The following PRKCA variants were observed in gnomAD, a reference collection of about 807,000 sequenced individuals.
The protein encoded by PRKCA is protein kinase C alpha type.
PRKCA carries 27 observed loss-of-function variants against 87.0 expected under a neutral mutation model. The observed-to-expected ratio is 0.31, with a 90% confidence interval of 0.23 to 0.43. PRKCA has a LOEUF of 0.43. PRKCA is among the 20% of genes least tolerant of loss of function. PRKCA has a pLI of 1.00. For missense variants in PRKCA, 518 were observed against 852.3 expected (o/e 0.61, Z 4.88); for synonymous variants, 329 against 311.1 (o/e 1.06, Z -0.61).
At chr17:66,695,375 C>T (rs1382133358) in intron 8 of PRKCA, among the ~76,000 whole-genome samples, 2 of 152,204 alleles carry the variant, frequency 1.3e-5, no homozygotes, top group Non-Finnish European at 2.9e-5. Flanking sequence ...ACAATGACTA[C>T]TTTTAATTTG....
At chr17:66,797,295 C>G (rs868659299) in intron 16 of PRKCA, among the ~76,000 whole-genome samples, 1 of 152,194 alleles carries the variant, frequency 6.6e-6, no homozygotes, top group South Asian at 2.1e-4. Flanking sequence ...ACCCAGAGTC[C>G]GTGTCATTCA....
At chr17:66,409,907 G>A (rs867044819) in intron 2 of PRKCA, among the ~76,000 whole-genome samples, 1 of 152,214 alleles carries the variant, frequency 6.6e-6, no homozygotes, top group Middle Eastern at 3.2e-3. Context: ...GACAGAGTGA[G>A]ACTCCGTCTC....
intron 2 of PRKCA, among the ~76,000 whole-genome samples, chr17:66,452,135 A>G (rs563972042): frequency 3.3e-5 from 5 of 152,170 alleles, no homozygotes; most frequent in African/African-American, 9.6e-5. Flanking sequence ...ACATCAGGTG[A>G]CCCTCCAATT....
At chr17:66,462,193 G>C (rs1057290777) in intron 2 of PRKCA, among the ~76,000 whole-genome samples, 1 of 152,124 alleles carries the variant, frequency 6.6e-6, no homozygotes, top group Non-Finnish European at 1.5e-5. Context: ...TCTGAGATCA[G>C]TGCACAAGGC....
intron 2 of PRKCA, among the ~76,000 whole-genome samples, chr17:66,343,056 C>T (rs1264926794): frequency 1.3e-5 from 2 of 151,554 alleles, no homozygotes; most frequent in African/African-American, 4.9e-5. Flanking sequence ...CATAATATGC[C>T]AAGATGTTTA....
chr17:66,406,584 G>GTTTTTTTTTTTTTTT (rs1242757426), intron 2 of PRKCA, among the ~76,000 whole-genome samples: 4 of 21,292 alleles, frequency 1.9e-4, no homozygotes, highest in Non-Finnish European at 4.8e-4. Flanking sequence ...AGCTTTTCCA[G>GTTTTTTTTTTTTTTT]GTTTTTTTTT....
rs187648597 is a variant in PRKCA at position 66,675,050 on chromosome 17, G to A, written c.530-12061G>A. On this transcript the variant is annotated intron_variant, in intron 5 of 16. Transcript: ENST00000413366. ...CAGCAAGCACTTGCTCTCTGTTGCC[G>A]GGACTTCTCCCAGCTCCAAAACTGC... is the stretch of plus-strand genomic sequence containing the variant. 2.1e-3 allele frequency among the ~76,000 whole-genome samples: 314 copies of A among 152,282 alleles called. 1 individual carries two copies. Among genetic ancestry groups the A allele is most frequent in the Non-Finnish European group, 3.7e-3 (249 of 68,026 alleles).
chr17:66,648,082 T>G (rs1008743243), intron 5 of PRKCA, among the ~76,000 whole-genome samples: 4 of 152,190 alleles, frequency 2.6e-5, no homozygotes, highest in Admixed American at 6.5e-5. Context: ...TGGTGAAGGC[T>G]CCGTCTCTGC....
intron 3 of PRKCA, among the ~76,000 whole-genome samples, chr17:66,535,911 C>T (rs371545661): frequency 2.5e-4 from 38 of 152,166 alleles, no homozygotes; most frequent in Non-Finnish European, 4.7e-4. Context: ...TGAAAACTTA[C>T]ATCAAAACAG....
At chr17:66,670,296 T>C (rs1350625477) in intron 5 of PRKCA, among the ~76,000 whole-genome samples, 2 of 152,218 alleles carry the variant, frequency 1.3e-5, no homozygotes, top group Non-Finnish European at 2.9e-5. Flanking sequence ...AACCTGTTAA[T>C]GTGGAAAACA....
At chr17:66,306,327 GAAAAAA>G in intron 2 of PRKCA, 200 bp downstream of exon 2, 1 of 300,136 alleles carries the variant, frequency 3.3e-6, no homozygotes, top group Non-Finnish European at 5.7e-6. Context: ...TTTCTCATTG[GAAAAAA>G]AAAAAAAAAG....
At chr17:66,412,984 C>A (rs1380115199) in intron 2 of PRKCA, among the ~76,000 whole-genome samples, 2 of 152,144 alleles carry the variant, frequency 1.3e-5, no homozygotes, top group South Asian at 4.2e-4. Context: ...CTGCACCCCC[C>A]ACAACACACA....
chr17:66,641,806 A>G (rs570012781), intron 4 of PRKCA, among the ~76,000 whole-genome samples: 2 of 151,952 alleles, frequency 1.3e-5, no homozygotes, highest in South Asian at 4.2e-4. Flanking sequence ...CGCCAGGTCC[A>G]CATTTGGTTA....
intron 5 of PRKCA, among the ~76,000 whole-genome samples, chr17:66,675,499 G>A (rs568821488): frequency 2.6e-5 from 4 of 152,200 alleles, no homozygotes; most frequent in Non-Finnish European, 5.9e-5. Context: ...CTGAAAGTGC[G>A]TGGAGAGAGG....
At chr17:66,361,169 C>T (rs1331091430) in intron 2 of PRKCA, among the ~76,000 whole-genome samples, 1 of 151,920 alleles carries the variant, frequency 6.6e-6, no homozygotes, top group Admixed American at 6.6e-5. Context: ...TGAACTTGTC[C>T]TTGGGTATGT....
intron 2 of PRKCA, among the ~76,000 whole-genome samples, chr17:66,375,502 G>A (rs1242660322): frequency 1.3e-5 from 2 of 152,066 alleles, no homozygotes; most frequent in South Asian, 2.1e-4. Context: ...ATTTTGTCCC[G>A]GTAGCTGGTG....
chr17:66,693,605 C>T (rs557027555), intron 8 of PRKCA, among the ~76,000 whole-genome samples: 1 of 152,272 alleles, frequency 6.6e-6, no homozygotes, highest in East Asian at 1.9e-4. Flanking sequence ...TGCTTGGTCT[C>T]TGCTCCCTGT....
At chr17:66,671,597 A>C (rs1182210039) in intron 5 of PRKCA, among the ~76,000 whole-genome samples, 1 of 151,140 alleles carries the variant, frequency 6.6e-6, no homozygotes. Flanking sequence ...AAGTTCAGCG[A>C]TATCCTATGA....
chr17:66,500,420 A>G lies in PRKCA; in HGVS notation c.288+4137A>G, dbSNP rs3892884. Among the ~76,000 whole-genome samples, 904 of 152,356 alleles carry G rather than the reference A, an allele frequency of 5.9e-3. 5 individuals carry two copies. The highest frequency in any genetic ancestry group is 0.041 in the Middle Eastern group (12 of 294). On this transcript the variant is annotated intron_variant, in intron 3 of 16. Transcript: ENST00000413366. ...GAAAATCATGAAGGCATTGGGAGGT[A>G]GAACTGAGCTGAGATGCTAGAATTT... is the stretch of plus-strand genomic sequence containing the variant.
Sources: gnomAD v4.1 joint callset for allele counts (sites outside exome capture counted in the v4.1 genomes callset) on GRCh38, gnomAD v4.1.1 for gene constraint, MANE v1.5 for transcripts, NCBI Gene and HGNC (gene_info 2026-07-23, HGNC 2026-07-21) for gene names.